Variants in LSAMP observed in about 807,000 individuals in gnomAD.
LSAMP encodes the protein limbic system associated membrane protein, also known as limbic system-associated membrane protein.
LSAMP carries 7 observed loss-of-function variants against 38.6 expected under a neutral mutation model. That is an observed-to-expected ratio of 0.18 (90% CI 0.10 to 0.34). The LOEUF (loss-of-function observed/expected upper bound fraction) is 0.34, where lower values mean the gene tolerates loss of function less well. LSAMP is among the 10% of genes least tolerant of loss of function. The pLI is 1.00. For synonymous variants in LSAMP, 154 were observed against 166.8 expected (o/e 0.92, Z 0.59); for missense variants, 313 against 420.0 (o/e 0.75, Z 2.23).
rs115328661 is a variant in LSAMP at position 116,235,891 on chromosome 3, G to T, written c.156-149335C>A. ...TGATGGAATTTAGACTAAGAAAGAT[G>T]CTCTAATTTCTAGCGTTATGATCTC... On this transcript the variant is annotated intron_variant, in intron 1 of 6. Transcript: ENST00000490035. 9.9e-3 allele frequency among the ~76,000 whole-genome samples: 1,505 copies of T among 152,226 alleles called. 22 individuals are homozygous for T. Among genetic ancestry groups the T allele is most frequent in the Non-Finnish European group, 0.01 (697 of 67,984 alleles).
chr3:116,248,418 C>T (rs1445348636), intron 1 of LSAMP, among the ~76,000 whole-genome samples: 1 of 151,600 alleles, frequency 6.6e-6, no homozygotes, highest in Non-Finnish European at 1.5e-5. Flanking sequence ...GGGAGGATCA[C>T]TTGAGCCCAA....
At chr3:116,245,759 T>A (rs2046597328) in intron 1 of LSAMP, among the ~76,000 whole-genome samples, 1 of 152,138 alleles carries the variant, frequency 6.6e-6, no homozygotes. Context: ...CCCATTATCT[T>A]AAAGAGAACC....
At chr3:115,983,392 G>T (rs898340145) in intron 3 of LSAMP, among the ~76,000 whole-genome samples, 1 of 152,010 alleles carries the variant, frequency 6.6e-6, no homozygotes, top group African/African-American at 2.4e-5. Context: ...GTATGGTGGT[G>T]CACACCTGTA....
intron 1 of LSAMP, among the ~76,000 whole-genome samples, chr3:116,287,225 CAT>C (rs1559814364): frequency 6.6e-6 from 1 of 152,010 alleles, no homozygotes; most frequent in African/African-American, 2.4e-5. Context: ...GTCATAAATG[CAT>C]GTTTGCAGCT....
chr3:116,245,703 G>A (rs1028127941), intron 1 of LSAMP, among the ~76,000 whole-genome samples: 3 of 152,098 alleles, frequency 2.0e-5, no homozygotes, highest in African/African-American at 7.2e-5. Flanking sequence ...AAGTAAGTTA[G>A]TTCATTAAAC....
chr3:115,911,841 A>AT (rs1937142647), intron 3 of LSAMP, among the ~76,000 whole-genome samples: 1 of 152,154 alleles, frequency 6.6e-6, no homozygotes, highest in Non-Finnish European at 1.5e-5. Context: ...CCTTCTCATC[A>AT]TTTGGTGTTG....
intron 3 of LSAMP, among the ~76,000 whole-genome samples, chr3:115,878,973 A>T (rs1469070453): frequency 6.6e-6 from 1 of 152,116 alleles, no homozygotes; most frequent in Non-Finnish European, 1.5e-5. Flanking sequence ...CCATGTCTGT[A>T]AGTTGAATAC....
chr3:116,004,060 T>A (rs1417272309), intron 3 of LSAMP, among the ~76,000 whole-genome samples: 3 of 152,236 alleles, frequency 2.0e-5, no homozygotes, highest in African/African-American at 7.2e-5. Flanking sequence ...TGACTGCAAC[T>A]ATGTCTCAGG....
intron 1 of LSAMP, among the ~76,000 whole-genome samples, chr3:116,221,895 A>G (rs2046290595): frequency 6.8e-6 from 1 of 146,728 alleles, no homozygotes; most frequent in Admixed American, 6.8e-5. Context: ...GGGGTGGCAA[A>G]CACACTGTCC....
intron 3 of LSAMP, among the ~76,000 whole-genome samples, chr3:115,860,791 G>A (rs539328519): frequency 2.0e-5 from 3 of 152,248 alleles, no homozygotes; most frequent in South Asian, 4.1e-4. Flanking sequence ...TAAGTTTTCA[G>A]GAACTTAAGA....
chr3:115,989,260 A>G (rs2107639618), intron 3 of LSAMP, among the ~76,000 whole-genome samples: 1 of 152,286 alleles, frequency 6.6e-6, no homozygotes, highest in East Asian at 1.9e-4. Context: ...TTCCAAGGAA[A>G]TATCAACCAC....
At chr3:116,342,668 T>C (rs2048011940) in intron 1 of LSAMP, among the ~76,000 whole-genome samples, 1 of 152,058 alleles carries the variant, frequency 6.6e-6, no homozygotes, top group South Asian at 2.1e-4. Context: ...CAGCATAGTC[T>C]TAGAGATTGA....
intron 1 of LSAMP, among the ~76,000 whole-genome samples, chr3:116,266,222 A>G (rs902251436): frequency 6.6e-6 from 1 of 152,170 alleles, no homozygotes; most frequent in Non-Finnish European, 1.5e-5. Flanking sequence ...CCACGTAACT[A>G]ATTAAAAGCA....
At chr3:116,312,694 G>T (rs140558169) in intron 1 of LSAMP, among the ~76,000 whole-genome samples, 2 of 152,084 alleles carry the variant, frequency 1.3e-5, no homozygotes, top group African/African-American at 4.8e-5. Flanking sequence ...TCATACCCAC[G>T]CTATGGGATG....
In LSAMP at chr3:116,281,128, A is replaced by C. The variant is rs116269482; in HGVS notation, c.155+163749T>G. 1.4e-3 allele frequency among the ~76,000 whole-genome samples: 220 copies of C among 152,320 alleles called. 2 individuals are homozygous for C. The highest frequency in any genetic ancestry group is 5.0e-3 in the African/African-American group (206 of 41,576). ...TGAGAGCTAAGGGATTCCTGAAACAAAGGAAGACATGAAGTACAGAAAATT... is the reference window on the plus strand; with the variant it reads ...TGAGAGCTAAGGGATTCCTGAAACACAGGAAGACATGAAGTACAGAAAATT... On this transcript the variant is annotated intron_variant, in intron 1 of 6. Transcript: ENST00000490035.
intron 3 of LSAMP, among the ~76,000 whole-genome samples, chr3:115,858,655 T>C (rs1054976884): frequency 6.6e-6 from 1 of 152,192 alleles, no homozygotes; most frequent in African/African-American, 2.4e-5. Flanking sequence ...ACACTAGCTA[T>C]AAACACAAAC....
intron 1 of LSAMP, among the ~76,000 whole-genome samples, chr3:116,242,182 T>C (rs1459050956): frequency 6.6e-6 from 1 of 152,084 alleles, no homozygotes; most frequent in Non-Finnish European, 1.5e-5. Context: ...AGGAAAAATA[T>C]CCAAAAACCC....
intron 1 of LSAMP, among the ~76,000 whole-genome samples, chr3:116,339,281 G>A (rs554739605): frequency 7.2e-6 from 1 of 139,566 alleles, no homozygotes; most frequent in African/African-American, 2.9e-5. Flanking sequence ...CCCTTATATA[G>A]ATTTTTTTTT....
intron 1 of LSAMP, among the ~76,000 whole-genome samples, chr3:116,382,470 C>T (rs370793356): frequency 7.2e-6 from 1 of 139,558 alleles, no homozygotes; most frequent in Non-Finnish European, 1.5e-5. Context: ...CACTTGGACA[C>T]AGGAAGGGGA....
Sources: gnomAD v4.1 joint callset for allele counts (sites outside exome capture counted in the v4.1 genomes callset) on GRCh38, gnomAD v4.1.1 for gene constraint, MANE v1.5 for transcripts, NCBI Gene and HGNC (gene_info 2026-07-23, HGNC 2026-07-21) for gene names.